Variants in TBCA observed in about 807,000 individuals in gnomAD.
TBCA encodes the protein tubulin folding cofactor A, also known as tubulin-specific chaperone A.
TBCA carries 6 observed loss-of-function variants against 15.8 expected under a neutral mutation model. The ratio of observed to expected loss-of-function variants is 0.38; its 90% confidence interval spans 0.21 to 0.75. The LOEUF is 0.75. Among genes scored for constraint, TBCA ranks in the 30% least tolerant of loss-of-function variants. The pLI is 0.46. For synonymous variants in TBCA, 32 were observed against 42.3 expected, an observed-to-expected ratio of 0.76 and a Z score of 0.94; for missense variants, 90 against 131.2, an observed-to-expected ratio of 0.69 and a Z score of 1.53.
intron 2 of TBCA, among the ~76,000 whole-genome samples, chr5:77,705,108 A>T (rs1410933656): frequency 6.6e-6 from 1 of 152,254 alleles, no homozygotes; most frequent in African/African-American, 2.4e-5. Context: ...TAGTGATTTC[A>T]TTGAAAGATG....
At chr5:77,705,640 C>G (rs1746133548) in intron 2 of TBCA, 1 of 398,034 alleles carries the variant, frequency 2.5e-6, no homozygotes, top group Admixed American at 4.4e-5. Context: ...CCAGCCTAAA[C>G]AAGAAAGTAA....
chr5:77,693,184 G>A, intron 3 of TBCA, 82 bp downstream of exon 3: 1 of 1,561,126 alleles, frequency 6.4e-7, no homozygotes, highest in African/African-American at 1.4e-5. Context: ...CTAGTTCTCA[G>A]TGTTAAATAT....
chr5:77,709,092 G>A (rs1746216252), intron 1 of TBCA, among the ~76,000 whole-genome samples: 1 of 150,642 alleles, frequency 6.6e-6, no homozygotes, highest in African/African-American at 2.4e-5. Flanking sequence ...TAGATTGCAT[G>A]TCAAATCCAA....
intron 1 of TBCA, chr5:77,708,661 C>G: frequency 6.2e-6 from 1 of 161,062 alleles, no homozygotes; most frequent in Non-Finnish European, 1.4e-5. Flanking sequence ...GCTCTGCCTC[C>G]CGGGTTCATG....
At chr5:77,710,144 G>A (rs921378606) in intron 1 of TBCA, among the ~76,000 whole-genome samples, 5 of 152,062 alleles carry the variant, frequency 3.3e-5, no homozygotes, top group African/African-American at 1.2e-4. Flanking sequence ...ACTTAAAATG[G>A]GTTAATTGTA....
chr5:77,699,033 C>CAAAAAAAAAAAAAAAAAAAAAA (rs71608119), intron 2 of TBCA, among the ~76,000 whole-genome samples: 3 of 70,096 alleles, frequency 4.3e-5, no homozygotes, highest in African/African-American at 6.4e-5. Flanking sequence ...GCAAGAGCAT[C>CAAAAAAAAAAAAAAAAAAAAAA]AAAAAAAAAA....
intron 1 of TBCA, chr5:77,708,662 C>T (rs1383555676): frequency 3.1e-5 from 5 of 160,344 alleles, no homozygotes; most frequent in Admixed American, 6.2e-5. Context: ...CTCTGCCTCC[C>T]GGGTTCATGC....
chr5:77,754,285 C>G (rs911579569), intron 1 of TBCA, among the ~76,000 whole-genome samples: 1 of 152,174 alleles, frequency 6.6e-6, no homozygotes, highest in Non-Finnish European at 1.5e-5. Context: ...ACTTTCTTTA[C>G]ATCTCTCTTA....
At chr5:77,748,432 G>A (rs1747238616) in intron 1 of TBCA, among the ~76,000 whole-genome samples, 1 of 151,606 alleles carries the variant, frequency 6.6e-6, no homozygotes, top group African/African-American at 2.4e-5. Context: ...CAGAAAATGA[G>A]AATATCTAAG....
intron 1 of TBCA, among the ~76,000 whole-genome samples, chr5:77,746,290 A>T (rs1561278531): frequency 1.3e-5 from 2 of 152,000 alleles, no homozygotes; most frequent in Admixed American, 6.6e-5. Context: ...AAAATAAATA[A>T]TTTTTTTAAT....
At chr5:77,732,892 C>T (rs1457938173) in intron 1 of TBCA, among the ~76,000 whole-genome samples, 1 of 152,152 alleles carries the variant, frequency 6.6e-6, no homozygotes, top group Non-Finnish European at 1.5e-5. Context: ...CTCCCTGAGA[C>T]ACAATATTAA....
intron 1 of TBCA, among the ~76,000 whole-genome samples, chr5:77,767,039 G>A (rs1309705975): frequency 2.6e-5 from 4 of 152,242 alleles, no homozygotes; most frequent in South Asian, 2.1e-4. Context: ...ATAGTGCAGC[G>A]TCTTCAGAAC....
At chr5:77,750,252 A>G (rs938694439) in intron 1 of TBCA, among the ~76,000 whole-genome samples, 3 of 151,920 alleles carry the variant, frequency 2.0e-5, no homozygotes. Context: ...CTATTCAAAA[A>G]ATTACTCAAA....
intron 1 of TBCA, among the ~76,000 whole-genome samples, chr5:77,723,196 C>A (rs1274065001): frequency 6.6e-6 from 1 of 151,508 alleles, no homozygotes; most frequent in Non-Finnish European, 1.5e-5. Context: ...TTATTTTTTA[C>A]CTTAGATATA....
intron 1 of TBCA, among the ~76,000 whole-genome samples, chr5:77,749,492 T>A (rs352563): frequency 0.44 from 66,870 of 152,056 alleles, 14,871 homozygotes; most frequent in East Asian, 0.53. Context: ...ATTTCATATA[T>A]TTATGACATA....
At chr5:77,758,624 T>A (rs1401004701) in intron 1 of TBCA, among the ~76,000 whole-genome samples, 1 of 152,204 alleles carries the variant, frequency 6.6e-6, no homozygotes, top group Non-Finnish European at 1.5e-5. Flanking sequence ...ACAGGCATAC[T>A]TCCAGGGTCT....
intron 1 of TBCA, among the ~76,000 whole-genome samples, chr5:77,712,235 T>C (rs753690481): frequency 1.3e-5 from 2 of 152,170 alleles, no homozygotes; most frequent in African/African-American, 2.4e-5. Flanking sequence ...GTGTATGAAA[T>C]TTCCTACTTC....
At chr5:77,754,296 C>A (rs945685443) in intron 1 of TBCA, among the ~76,000 whole-genome samples, 97 of 152,182 alleles carry the variant, frequency 6.4e-4, no homozygotes, top group African/African-American at 2.3e-3. Flanking sequence ...ATCTCTCTTA[C>A]TTCCTGGTCC....
At chr5:77,746,183 C>T (rs950495006) in intron 1 of TBCA, among the ~76,000 whole-genome samples, 2 of 152,144 alleles carry the variant, frequency 1.3e-5, no homozygotes, top group Admixed American at 1.3e-4. Context: ...AATCCCAGCA[C>T]TTAGGGAGGC....
Sources: allele counts gnomAD v4.1 joint callset (sites outside exome capture counted in the v4.1 genomes callset), GRCh38; gene constraint gnomAD v4.1.1; transcripts MANE v1.5; gene names NCBI Gene and HGNC (gene_info 2026-07-23, HGNC 2026-07-21).